The following DCAF6 variants were observed in gnomAD, a reference collection of about 807,000 sequenced individuals.
The protein encoded by DCAF6 is DDB1 and CUL4 associated factor 6.
A neutral mutation model predicts 125.1 loss-of-function variants in DCAF6; 54 were observed. That is an observed-to-expected ratio of 0.43 (90% CI 0.35 to 0.54). DCAF6 has a LOEUF of 0.54. Ranked by LOEUF, DCAF6 falls within the 20% of genes least tolerant of loss-of-function variation. The probability of loss-of-function intolerance (pLI) is 0.01; values close to 1 mark genes in which losing one functional copy is unlikely to be tolerated. For synonymous variants in DCAF6, 371 were observed against 390.4 expected (o/e 0.95, Z 0.58); for missense variants, 934 against 1,161.7 (o/e 0.80, Z 2.85).
In DCAF6 at chr1:167,939,856, G is replaced by A. The variant is rs1353955217; in HGVS notation, c.97+2848G>A. On this transcript the variant is annotated intron_variant, in intron 1 of 21. Transcript: ENST00000367840. ...AAGTTAGGATTTTCCTAAGGAAATA[G>A]ATTCCTTTTTTAAAAGACTTCAATA... Among the ~76,000 whole-genome samples, 7 of 152,198 alleles carry A rather than the reference G, an allele frequency of 4.6e-5. No homozygotes were observed. The South Asian group carries it at 1.4e-3, about 31-fold the overall frequency.
Position 167,977,989 on chromosome 1 carries a change from T to C in DCAF6, c.438+2974T>C, listed in dbSNP as rs187883171. 2.6e-3 allele frequency among the ~76,000 whole-genome samples: 403 copies of C among 152,322 alleles called. 1 individual carries two copies. Among genetic ancestry groups the C allele is most frequent in the Non-Finnish European group, 4.0e-3 (274 of 68,040 alleles). ...TTTGAACGTTATATAAATGGAAATA[T>C]GGCTTTTTGTGTCTTTGTTGTTGTT... On this transcript the variant is annotated intron_variant, in intron 4 of 21. Coordinates refer to ENST00000367840, the MANE Select transcript of DCAF6 (RefSeq NM_001198956.2).
the DCAF6 span, chr1:167,870,403 A>T: frequency 6.2e-7 from 1 of 1,608,330 alleles, no homozygotes; most frequent in East Asian, 2.2e-5. Flanking sequence ...TGATCTCTTT[A>T]TTACGTCCTG....
intron 1 of DCAF6, among the ~76,000 whole-genome samples, chr1:167,950,904 GC>G (rs1673822018): frequency 6.6e-6 from 1 of 152,160 alleles, no homozygotes; most frequent in African/African-American, 2.4e-5. Flanking sequence ...GATTTTTAAT[GC>G]CATATTTCAT....
chr1:167,990,024 T>C (rs2103000779), intron 5 of DCAF6, among the ~76,000 whole-genome samples: 1 of 152,320 alleles, frequency 6.6e-6, no homozygotes, highest in South Asian at 2.1e-4. Context: ...ACCTGTCTTT[T>C]GCAGGGTTTG....
rs1428440360 is a variant in DCAF6, at chr1:168,004,723, G to A, written c.1308G>A (p.Leu436=). Residue 436 remains leucine, a synonymous_variant, in exon 10 of 22, where the codon TTG becomes TTA. Coordinates refer to ENST00000367840, the MANE Select transcript of DCAF6 (RefSeq NM_001198956.2). ...SPTESPHSTP[L]LSSPDSEQRQ... is the part of the protein sequence containing the mutation. ...CAGAAAGCCCTCATTCTACTCCTTTGCTATCTTCTCCAGACAGTGAACAAA... is the reference window on the plus strand; with the variant it reads ...CAGAAAGCCCTCATTCTACTCCTTTACTATCTTCTCCAGACAGTGAACAAA... 6.2e-7 allele frequency: 1 copy of A among 1,613,832 alleles called. No individual in the cohort carries two copies. The highest frequency in any genetic ancestry group is 2.2e-5 in the East Asian group (1 of 44,888).
chr1:168,029,280 T>A (rs1686745072), intron 12 of DCAF6, among the ~76,000 whole-genome samples: 1 of 152,224 alleles, frequency 6.6e-6, no homozygotes, highest in African/African-American at 2.4e-5. Flanking sequence ...TAATTTGTGC[T>A]AACAATGAGG....
At chr1:168,073,499 A>G (rs914444099) in intron 21 of DCAF6, among the ~76,000 whole-genome samples, 1 of 151,776 alleles carries the variant, frequency 6.6e-6, no homozygotes, top group African/African-American at 2.4e-5. Context: ...CTATCGTAAG[A>G]CTCTTGGCCC....
At chr1:167,905,306 G>A in the DCAF6 span, 4 of 840,038 alleles carry the variant, frequency 4.8e-6, no homozygotes, top group Admixed American at 8.4e-5. Flanking sequence ...TTATAGTGGT[G>A]AAAATGCCAG....
intron 1 of DCAF6, among the ~76,000 whole-genome samples, chr1:167,939,910 G>A (rs778541401): frequency 6.6e-6 from 1 of 152,022 alleles, no homozygotes; most frequent in Admixed American, 6.5e-5. Flanking sequence ...CTATCTACAG[G>A]GTTGTAGATT....
In DCAF6 at chr1:168,075,574, T is replaced by A. The variant is rs1409860307; in HGVS notation, c.*139T>A. The A allele has an allele frequency of 1.5e-6, 1 of 684,830 alleles. No individual in the cohort carries two copies. Among genetic ancestry groups the A allele is most frequent in the Non-Finnish European group, 2.4e-6 (1 of 424,982 alleles). The allele number at this position is 684,830 out of a possible 1,614,324, so 42.4% of individuals were successfully genotyped here. ...TCCCTTTTTTTGGGATAACCTAACATTGGTTTGGAATGATTGTGTGCATGA... is the reference window on the plus strand; with the variant it reads ...TCCCTTTTTTTGGGATAACCTAACAATGGTTTGGAATGATTGTGTGCATGA... On this transcript the variant is annotated 3_prime_UTR_variant, in exon 22 of 22. Transcript: ENST00000367840.
intron 12 of DCAF6, among the ~76,000 whole-genome samples, chr1:168,026,706 A>G (rs1686388831): frequency 6.6e-6 from 1 of 151,972 alleles, no homozygotes; most frequent in African/African-American, 2.4e-5. Flanking sequence ...AGAAGAAAGT[A>G]TGTGAGTTTT....
At chr1:168,049,155 A>T (rs1689508543) in intron 16 of DCAF6, among the ~76,000 whole-genome samples, 1 of 152,264 alleles carries the variant, frequency 6.6e-6, no homozygotes, top group African/African-American at 2.4e-5. Context: ...CCTAATGTCA[A>T]AAATAAGTCT....
chr1:168,069,746 C>T (rs1692797558), intron 21 of DCAF6, among the ~76,000 whole-genome samples: 1 of 152,020 alleles, frequency 6.6e-6, no homozygotes, highest in African/African-American at 2.4e-5. Flanking sequence ...AAAACAACAA[C>T]AAAAAATAAA....
the DCAF6 span, chr1:167,896,778 G>A: frequency 1.1e-6 from 1 of 909,398 alleles, no homozygotes; most frequent in Non-Finnish European, 1.8e-6. Flanking sequence ...AAGAGAGTAT[G>A]CTTTTGACTG....
chr1:168,025,270 G>T (rs905366076), intron 12 of DCAF6, among the ~76,000 whole-genome samples: 1 of 152,096 alleles, frequency 6.6e-6, no homozygotes, highest in African/African-American at 2.4e-5. Context: ...GAAAAATTAT[G>T]ATTAACTCCC....
At chr1:168,034,839 G>C (rs1687593090) in intron 12 of DCAF6, among the ~76,000 whole-genome samples, 1 of 152,110 alleles carries the variant, frequency 6.6e-6, no homozygotes. Context: ...ACAATTTTTA[G>C]AATGTGTTTG....
At chr1:167,950,936 C>T (rs942383639) in intron 1 of DCAF6, among the ~76,000 whole-genome samples, 10 of 152,256 alleles carry the variant, frequency 6.6e-5, no homozygotes, top group African/African-American at 2.2e-4. Context: ...TTAACTTTAA[C>T]GTTTCTGAAA....
intron 4 of DCAF6, among the ~76,000 whole-genome samples, chr1:167,981,597 G>A (rs904631425): frequency 1.3e-5 from 2 of 152,152 alleles, no homozygotes; most frequent in Admixed American, 6.5e-5. Flanking sequence ...AGTATCCAGT[G>A]TGTAGCTCCT....
Position 168,044,682 on chromosome 1 carries a change from C to T in DCAF6, c.1930+11C>T, listed in dbSNP as rs752515964. 32 of 1,593,530 alleles carry T rather than the reference C, an allele frequency of 2.0e-5. No homozygotes were observed. Among genetic ancestry groups the T allele is most frequent in the Middle Eastern group, 3.3e-4 (2 of 5,972 alleles). ...ACCATATCAATATAAGTGAGTTGCT[C>T]CCTTTAGATAATTGCTTTGTATGGG... is the stretch of plus-strand genomic sequence containing the variant. On this transcript the variant is annotated intron_variant, in intron 15 of 21. Coordinates refer to ENST00000367840, the MANE Select transcript of DCAF6 (RefSeq NM_001198956.2).
Sources: gnomAD v4.1 joint callset for allele counts (sites outside exome capture counted in the v4.1 genomes callset) on GRCh38, gnomAD v4.1.1 for gene constraint, MANE v1.5 for transcripts, NCBI Gene and HGNC (gene_info 2026-07-23, HGNC 2026-07-21) for gene names.